Variants in TPTE2 observed in about 807,000 individuals in gnomAD.
TPTE2 encodes transmembrane phosphoinositide 3-phosphatase and tensin homolog 2, also known as phosphatidylinositol 3,4,5-trisphosphate 3-phosphatase TPTE2.
TPTE2 carries 53 observed loss-of-function variants against 78.6 expected under a neutral mutation model. The ratio of observed to expected loss-of-function variants is 0.67; its 90% CI spans 0.54 to 0.85. The LOEUF (loss-of-function observed/expected upper bound fraction) is 0.85. TPTE2 is among the 40% of genes least tolerant of loss of function. TPTE2 has a pLI of 0.00. For missense variants in TPTE2, 461 were observed against 623.0 expected, an observed-to-expected ratio of 0.74 and a Z score of 2.77; for synonymous variants, 175 against 206.2, an observed-to-expected ratio of 0.85 and a Z score of 1.30.
chr13:19,498,023 T>A (rs1269787537), intron 1 of TPTE2, among the ~76,000 whole-genome samples: 2 of 151,166 alleles, frequency 1.3e-5, no homozygotes, highest in African/African-American at 2.4e-5. Context: ...CAGGAGCCGA[T>A]GCGATCAACT....
intron 1 of TPTE2, among the ~76,000 whole-genome samples, chr13:19,526,394 C>G (rs2880301): frequency 6.6e-6 from 1 of 152,038 alleles, no homozygotes; most frequent in Non-Finnish European, 1.5e-5. Flanking sequence ...AGCAATCCAG[C>G]CTAAAAGCCT....
intron 1 of TPTE2, among the ~76,000 whole-genome samples, chr13:19,532,446 A>G (rs180747943): frequency 5.7e-4 from 87 of 152,244 alleles, no homozygotes; most frequent in Non-Finnish European, 1.0e-3. Flanking sequence ...CTCCTCAAGG[A>G]TGCAACAGTC....
At chr13:19,477,096 G>C (rs1451863196) in intron 4 of TPTE2, among the ~76,000 whole-genome samples, 2 of 152,124 alleles carry the variant, frequency 1.3e-5, no homozygotes, top group Non-Finnish European at 2.9e-5. Flanking sequence ...CTTATCCTTA[G>C]CAAACTAGTG....
At chr13:19,467,095 T>A in intron 7 of TPTE2, 130 bp downstream of exon 10, 1 of 1,203,354 alleles carries the variant, frequency 8.3e-7, no homozygotes, top group East Asian at 2.8e-5. Flanking sequence ...ACCCAAACAT[T>A]TCATTTTAAA....
chr13:19,449,671 C>A (rs1223780464), intron 13 of TPTE2, among the ~76,000 whole-genome samples: 1 of 151,900 alleles, frequency 6.6e-6, no homozygotes. Context: ...TGTTGTACAC[C>A]ATAAATATAT....
intron 1 of TPTE2, among the ~76,000 whole-genome samples, chr13:19,517,056 G>A (rs917965142): frequency 4.6e-5 from 7 of 152,062 alleles, no homozygotes; most frequent in African/African-American, 1.7e-4. Context: ...CGTGAACCAG[G>A]GCAACCCAAG....
At chr13:19,465,382 T>C in intron 8 of TPTE2, 64 bp from the exon 12 acceptor site, 1 of 1,611,380 alleles carries the variant, frequency 6.2e-7, no homozygotes, top group South Asian at 1.1e-5. Context: ...AAAAACATTA[T>C]ACAGTATAGA....
At chr13:19,529,406 C>T (rs948828590) in intron 1 of TPTE2, among the ~76,000 whole-genome samples, 5 of 152,246 alleles carry the variant, frequency 3.3e-5, no homozygotes, top group East Asian at 1.9e-4. Flanking sequence ...AGATTACAGG[C>T]GTGAGCCACC....
chr13:19,473,023 C>T (rs919530511), intron 6 of TPTE2, among the ~76,000 whole-genome samples: 6 of 152,284 alleles, frequency 3.9e-5, no homozygotes, highest in Middle Eastern at 3.4e-3. Flanking sequence ...AAAGGAGACT[C>T]TTGTTTTCTT....
chr13:19,561,285 C>T, the TPTE2 span: 1 of 1,053,972 alleles, frequency 9.5e-7, no homozygotes. Context: ...ACGCGGCTGC[C>T]CTCCTGCCCC....
chr13:19,499,612 AC>A (rs1280777352), intron 1 of TPTE2, among the ~76,000 whole-genome samples: 1 of 143,374 alleles, frequency 7.0e-6, no homozygotes, highest in African/African-American at 2.7e-5. Context: ...GAGAACAAAG[AC>A]ACAACATACC....
chr13:19,502,846 C>CAAA (rs562366842), intron 1 of TPTE2, among the ~76,000 whole-genome samples: 1 of 131,686 alleles, frequency 7.6e-6, no homozygotes, highest in Non-Finnish European at 1.7e-5. Context: ...TTGTTGAAGC[C>CAAA]AAAAAAAAAA....
chr13:19,430,842 C>G (rs994584511), intron 16 of TPTE2, among the ~76,000 whole-genome samples: 1 of 152,030 alleles, frequency 6.6e-6, no homozygotes, highest in African/African-American at 2.4e-5. Context: ...TTTAGGGAAG[C>G]TAGGCCGGGC....
chr13:19,530,206 G>T (rs1273393976), intron 1 of TPTE2, among the ~76,000 whole-genome samples: 1 of 152,080 alleles, frequency 6.6e-6, no homozygotes. Context: ...ATTTCAGAAA[G>T]GTATTAAATT....
chr13:19,441,040 C>T (rs1290157757), intron 13 of TPTE2, among the ~76,000 whole-genome samples: 12 of 151,368 alleles, frequency 7.9e-5, no homozygotes, highest in African/African-American at 2.9e-4. Flanking sequence ...TGAGCCAAGA[C>T]TGCGCCATTG....
chr13:19,539,498 T>C (rs1294444751), upstream of TPTE2, among the ~76,000 whole-genome samples: 1 of 152,214 alleles, frequency 6.6e-6, no homozygotes, highest in African/African-American at 2.4e-5. Flanking sequence ...TCCCCAGCCA[T>C]GTGGAACTGT....
chr13:19,442,910 C>T (rs1406446533), intron 13 of TPTE2, among the ~76,000 whole-genome samples: 3 of 152,216 alleles, frequency 2.0e-5, no homozygotes, highest in Middle Eastern at 3.4e-3. Context: ...AAAGACTTCT[C>T]TCCAGAGAAA....
rs149824515 is a variant in TPTE2 at position 19,487,573 on chromosome 13, G to C, written c.120-5026C>G. 6.9e-3 allele frequency among the ~76,000 whole-genome samples: 1,057 copies of C among 152,244 alleles called. 11 individuals are homozygous for C. The highest frequency in any genetic ancestry group is 0.024 in the African/African-American group (1,009 of 41,532). The stretch of plus-strand genomic sequence containing the variant: ...GGATGGGACTGCAGATTATTCCTCT[G>C]TCTGGAAGTGTGGTGGTGGGGGTTG... On this transcript the variant is annotated intron_variant, in intron 3 of 19. Coordinates refer to ENST00000400230, the Ensembl canonical transcript of TPTE2.
chr13:19,550,714 A>G, the TPTE2 span, among the ~76,000 whole-genome samples: 1 of 152,182 alleles, frequency 6.6e-6, no homozygotes, highest in Admixed American at 6.5e-5. Flanking sequence ...ACTTCTAACC[A>G]CTATGCTTCA....
Sources: allele counts gnomAD v4.1 joint callset (sites outside exome capture counted in the v4.1 genomes callset), GRCh38; gene constraint gnomAD v4.1.1; transcripts MANE v1.5; gene names NCBI Gene and HGNC (gene_info 2026-07-23, HGNC 2026-07-21).